KCNIP1: variants seen among roughly 807,000 people sequenced by gnomAD.
The protein encoded by KCNIP1 is potassium voltage-gated channel interacting protein 1.
KCNIP1 carries 18 observed loss-of-function variants against 33.0 expected under a neutral mutation model. The ratio of observed to expected loss-of-function variants is 0.55; its 90% CI spans 0.38 to 0.81. The LOEUF is 0.81. Among genes scored for constraint, KCNIP1 ranks in the 30% least tolerant of loss-of-function variants. The pLI is 0.00. For synonymous variants in KCNIP1, 93 were observed against 98.3 expected, an observed-to-expected ratio of 0.95 and a Z score of 0.32; for missense variants, 238 against 271.6, an observed-to-expected ratio of 0.88 and a Z score of 0.87.
intron 1 of KCNIP1, among the ~76,000 whole-genome samples, chr5:170,595,690 A>G (rs1758418889): frequency 6.6e-6 from 1 of 152,216 alleles, no homozygotes; most frequent in Non-Finnish European, 1.5e-5. Context: ...TGCAGGTTAA[A>G]TATTCTATCC....
intron 1 of KCNIP1, among the ~76,000 whole-genome samples, chr5:170,633,259 G>A (rs923708408): frequency 1.1e-4 from 16 of 152,114 alleles, no homozygotes; most frequent in Admixed American, 9.2e-4. Context: ...GCTGGTCAGG[G>A]GAGGAGGGGA....
In KCNIP1 at chr5:170,564,497, A is replaced by G. The variant is rs528165001; in HGVS notation, c.61+59864A>G. On this transcript the variant is annotated intron_variant, in intron 1 of 7. Coordinates refer to ENST00000328939, the MANE Select transcript of KCNIP1 (RefSeq NM_014592.4). ...GACCGTGGCATTGCCTCCAGGGTGA[A>G]TTGCGGGGGCACAGGAAAAACAGCT... Among the ~76,000 whole-genome samples, 5 of 152,310 alleles carry G rather than the reference A, an allele frequency of 3.3e-5. No homozygotes were observed. In the East Asian group the frequency reaches 7.7e-4, roughly 23 times the overall value.
intron 5 of KCNIP1, 37 bp downstream of exon 5, chr5:170,722,857 A>G (rs1352084812): frequency 7.4e-7 from 1 of 1,352,048 alleles, no homozygotes; most frequent in Admixed American, 1.7e-5. Flanking sequence ...AGAGGGCTCC[A>G]GTGAAGGTAA....
chr5:170,674,206 A>AGGGG (rs1762043081), intron 1 of KCNIP1, among the ~76,000 whole-genome samples: 1 of 104,862 alleles, frequency 9.5e-6, no homozygotes, highest in Non-Finnish European at 1.9e-5. Context: ...GGAGGGAGGG[A>AGGGG]GGGAAGGAGG....
chr5:170,497,400 G>A (rs548612797), intron 1 of KCNIP1, among the ~76,000 whole-genome samples: 168 of 152,298 alleles, frequency 1.1e-3, no homozygotes, highest in Non-Finnish European at 1.9e-3. Context: ...GCTAAGGGAT[G>A]AATGGATAAA....
chr5:170,358,907 G>A (rs1763424143), intron 1 of KCNIP1, among the ~76,000 whole-genome samples: 2 of 152,306 alleles, frequency 1.3e-5, no homozygotes, highest in South Asian at 2.1e-4. Context: ...TAGGGCTGGA[G>A]AAGTCACGCC....
intron 1 of KCNIP1, among the ~76,000 whole-genome samples, chr5:170,374,459 G>C (rs1329290455): frequency 6.6e-6 from 1 of 152,160 alleles, no homozygotes; most frequent in Non-Finnish European, 1.5e-5. Flanking sequence ...CTGATGAGCT[G>C]AAGCTCTGTC....
At position 170,736,361 on chromosome 5, in the gene KCNIP1, G is replaced by A. The variant is rs1454007916; in HGVS notation, c.*555G>A. ...ATGTGGGATAGGACTGAATTATTAA[G>A]CATGATATTGTCTGATGACCCAAAC... On this transcript the variant is annotated 3_prime_UTR_variant, in exon 8 of 8. Coordinates refer to ENST00000328939, the MANE Select transcript of KCNIP1 (RefSeq NM_014592.4). The A allele has an allele frequency of 6.5e-6, 1 of 152,998 alleles. No individual in the cohort carries two copies. The highest frequency in any genetic ancestry group is 6.5e-5 in the Admixed American group (1 of 15,340). The allele number at this position is 152,998 out of a possible 1,614,324, so 9.5% of individuals were successfully genotyped here.
chr5:170,530,048 T>C (rs1440254419), intron 1 of KCNIP1, among the ~76,000 whole-genome samples: 1 of 152,206 alleles, frequency 6.6e-6, no homozygotes, highest in Non-Finnish European at 1.5e-5. Context: ...AAGACCAAGG[T>C]CACCATGCCA....
intron 1 of KCNIP1, among the ~76,000 whole-genome samples, chr5:170,596,442 C>G (rs935408459): frequency 6.6e-6 from 1 of 152,220 alleles, no homozygotes; most frequent in Non-Finnish European, 1.5e-5. Context: ...CTGAGTCTCT[C>G]AGGGATGTGT....
intron 1 of KCNIP1, among the ~76,000 whole-genome samples, chr5:170,492,509 C>A (rs908666362): frequency 6.6e-5 from 10 of 152,122 alleles, no homozygotes; most frequent in Non-Finnish European, 1.3e-4. Flanking sequence ...AATTATTGGC[C>A]AATGGTGACT....
chr5:170,441,951 C>CAA lies in KCNIP1; in HGVS notation c.88+88010_88+88011dup, dbSNP rs34610945. Among the ~76,000 whole-genome samples, 283 of 72,030 alleles carry CAA rather than the reference C, an allele frequency of 3.9e-3. 4 individuals are homozygous for CAA. The highest frequency in any genetic ancestry group is 0.014 in the East Asian group (26 of 1,860). 47.3% of individuals were successfully genotyped at this position (72,030 alleles called of 152,430 possible). On this transcript the variant is annotated intron_variant, in intron 1 of 7. Transcript: ENST00000377360. ...TGGGTGACAGAGCGAGACTCCATCTCAAAAAAAAAAAAAAAAAAAAAAAAG... is the reference window on the plus strand; with the variant it reads ...TGGGTGACAGAGCGAGACTCCATCTCAAAAAAAAAAAAAAAAAAAAAAAAAAG...
intron 1 of KCNIP1, among the ~76,000 whole-genome samples, chr5:170,555,241 G>A (rs187698560): frequency 2.2e-4 from 33 of 152,102 alleles, no homozygotes; most frequent in African/African-American, 8.0e-4. Context: ...GCATCGTGGA[G>A]GTGATTTCAG....
intron 1 of KCNIP1, among the ~76,000 whole-genome samples, chr5:170,510,495 G>A (rs962089220): frequency 7.9e-5 from 12 of 152,164 alleles, no homozygotes; most frequent in Non-Finnish European, 1.3e-4. Context: ...CATAATGGCC[G>A]TGGAGCTGAT....
intron 1 of KCNIP1, among the ~76,000 whole-genome samples, chr5:170,714,210 C>G (rs1763562012): frequency 6.6e-6 from 1 of 152,150 alleles, no homozygotes; most frequent in Non-Finnish European, 1.5e-5. Flanking sequence ...CCAGGTCTAA[C>G]TGGTACACAA....
intron 1 of KCNIP1, among the ~76,000 whole-genome samples, chr5:170,544,994 G>T (rs1308166654): frequency 1.3e-5 from 2 of 152,058 alleles, no homozygotes; most frequent in East Asian, 3.9e-4. Flanking sequence ...GCAATTTTGT[G>T]TTTCTGGATT....
rs1379147643 is a variant in KCNIP1 at position 170,560,153 on chromosome 5, GGCAGGACAGA to G, written c.61+55523_61+55532del. Among the ~76,000 whole-genome samples the G allele has an allele frequency of 1.1e-4, 16 of 152,216 alleles. 1 individual carries two copies. Among genetic ancestry groups the G allele is most frequent in the Middle Eastern group, 3.4e-3 (1 of 294 alleles). Reference sequence around the variant, plus strand: ...AGAGCCAGTTTTCTGGGCAGTGTGGGGCAGGACAGAGCTCATTAAACCAGCCTACCACCTG... The same window carrying G: ...AGAGCCAGTTTTCTGGGCAGTGTGGGGCTCATTAAACCAGCCTACCACCTG... On this transcript the variant is annotated intron_variant, in intron 1 of 7. Transcript: ENST00000328939.
chr5:170,630,932 C>G (rs1427912314), intron 1 of KCNIP1, among the ~76,000 whole-genome samples: 1 of 152,142 alleles, frequency 6.6e-6, no homozygotes, highest in Non-Finnish European at 1.5e-5. Context: ...CTTCCCCAGT[C>G]ACACCAGGGC....
intron 1 of KCNIP1, among the ~76,000 whole-genome samples, chr5:170,511,283 T>C (rs970110402): frequency 1.3e-5 from 2 of 152,190 alleles, no homozygotes; most frequent in African/African-American, 4.8e-5. Flanking sequence ...CAAGAAGGAA[T>C]TGAACATGGT....
Sources: allele counts gnomAD v4.1 joint callset (sites outside exome capture counted in the v4.1 genomes callset), GRCh38; gene constraint gnomAD v4.1.1; transcripts MANE v1.5; gene names NCBI Gene and HGNC (gene_info 2026-07-23, HGNC 2026-07-21).